The following CCDC33 variants were observed in gnomAD, a reference collection of about 807,000 sequenced individuals.
The protein encoded by CCDC33 is coiled-coil domain-containing protein 33.
Under a neutral mutation model 91.9 loss-of-function variants are expected in CCDC33, and 94 were observed. The ratio of observed to expected loss-of-function variants is 1.02; its 90% CI spans 0.87 to 1.21. The LOEUF is 1.21. Among genes scored for constraint, CCDC33 ranks in the 50% most tolerant of loss-of-function variants. The pLI, the probability that CCDC33 is intolerant of heterozygous loss-of-function variation, is 0.00. For missense variants in CCDC33, 940 were observed against 935.5 expected (o/e 1.00, Z -0.06); for synonymous variants, 396 against 374.5 (o/e 1.06, Z -0.66).
Position 74,335,027 on chromosome 15 carries a change from G to T in CCDC33, c.2078G>T (p.Arg693Leu), listed in dbSNP as rs200097810. ...CGAGAGAAGCAGGATCTGGCCACAC[G>T]GCTGCAGGAGCAAGAAAAAGGTTTC... is the stretch of plus-strand genomic sequence containing the variant. ...WGREKQDLAT[R>L]LQEQEKGFRH... The change falls in exon 18 of 19, where the codon CGG (arginine) becomes CTG (leucine). Residue 693 changes from arginine (R) to leucine (L), a missense_variant. Physicochemically the swap from Arg to Leu is moderately radical, Grantham distance 102 (BLOSUM62 -2). Transcript: ENST00000398814. 1 of 1,613,976 alleles carries T rather than the reference G, an allele frequency of 6.2e-7. No individual in the cohort carries two copies. The highest frequency in any genetic ancestry group is 1.3e-5 in the African/African-American group (1 of 74,868).
upstream of CCDC33, chr15:74,217,119 T>C: frequency 4.8e-6 from 2 of 412,688 alleles, no homozygotes; most frequent in Non-Finnish European, 7.8e-6. Flanking sequence ...CAGGCCCAGC[T>C]TCCTGCCTTG....
At chr15:74,223,768 AAG>A (rs2074692394) in intron 2 of CCDC33, among the ~76,000 whole-genome samples, 3 of 79,354 alleles carry the variant, frequency 3.8e-5, no homozygotes, top group Admixed American at 1.8e-4. Context: ...ACACACACGC[AAG>A]CATGCACACA....
Position 74,218,480 on chromosome 15 carries a change from T to TG in CCDC33, c.311-16dup, listed in dbSNP as rs1396324680. On this transcript the variant is annotated splice_polypyrimidine_tract_variant and intron_variant, in intron 1 of 2. Coordinates refer to the CCDC33 transcript ENST00000635913. The surrounding 1 kb of genome is among the most constrained non-coding windows in gnomAD (Gnocchi z 4.8). ...GAAACCTGAGACCATCTCTGAGCCC[T>TG]GTGTTCCCTCATCCAGGTTTCTGCA... 2 of 1,267,632 alleles carry TG rather than the reference T, an allele frequency of 1.6e-6. No individual in the cohort carries two copies. Among genetic ancestry groups the TG allele is most frequent in the Admixed American group, 4.7e-5 (2 of 42,522 alleles). 78.5% of individuals were successfully genotyped at this position (1,267,632 alleles called of 1,614,324 possible).
At chr15:74,333,231 G>T (rs1452552241) in intron 16 of CCDC33, 2 of 1,594,884 alleles carry the variant, frequency 1.3e-6, no homozygotes, top group Admixed American at 3.5e-5. Flanking sequence ...GTGGACCCCG[G>T]GGAGTTGGGA....
chr15:74,272,177 C>T (rs574253703), intron 6 of CCDC33, among the ~76,000 whole-genome samples: 3 of 152,242 alleles, frequency 2.0e-5, no homozygotes, highest in Non-Finnish European at 4.4e-5. Flanking sequence ...GCCTCACACC[C>T]ACCACCTCCC....
chr15:74,221,123 G>A (rs895856662), intron 2 of CCDC33: 3 of 819,672 alleles, frequency 3.7e-6, no homozygotes, highest in Non-Finnish European at 4.4e-6. Context: ...AGTCCTGACT[G>A]TGATCAGGCA....
chr15:74,302,608 G>T (rs909548135), intron 11 of CCDC33: 1 of 152,314 alleles, frequency 6.6e-6, no homozygotes, highest in African/African-American at 2.4e-5. Context: ...TGGCCCTGGG[G>T]TGACCACCCA....
intron 2 of CCDC33, among the ~76,000 whole-genome samples, chr15:74,254,611 G>A (rs2075803654): frequency 6.6e-6 from 1 of 151,998 alleles, no homozygotes; most frequent in Non-Finnish European, 1.5e-5. Flanking sequence ...TCGCCTCCAG[G>A]ACAACTCCCT....
intron 1 of CCDC33, chr15:74,207,905 G>A (rs1161019900): frequency 2.4e-5 from 35 of 1,485,112 alleles, no homozygotes; most frequent in East Asian, 1.5e-4. Flanking sequence ...GTCGGCTGCC[G>A]TGCTCACGGC....
At chr15:74,280,842 C>T (rs2059346929) in intron 9 of CCDC33, 41 bp downstream of exon 9, 2 of 1,413,736 alleles carry the variant, frequency 1.4e-6, no homozygotes, top group South Asian at 1.7e-5. Context: ...GCGTGCCCAC[C>T]TGGCCCCACC....
In CCDC33 at chr15:74,280,074, T is replaced by C. The variant is rs1301577810; in HGVS notation, c.871T>C (p.Tyr291His). Reference protein sequence around the residue: ...FSEDTALVLEYYSSTSMKGSQ... With the variant: ...FSEDTALVLEHYSSTSMKGSQ... ...AGAAGACACAGCCCTGGTGCTGGAG[T>C]ACTACTCCTCAACTTCAAGTACGTG... is the stretch of plus-strand genomic sequence containing the variant. The change falls in exon 8 of 19, where the codon TAC becomes CAC. Residue 291 changes from tyrosine (Y) to histidine (H), a missense_variant. Tyr to His is a moderately conservative substitution (Grantham distance 83, BLOSUM62 2). Coordinates refer to ENST00000398814, the MANE Select transcript of CCDC33 (RefSeq NM_025055.5). 1 of 1,613,708 alleles carries C rather than the reference T, an allele frequency of 6.2e-7. No homozygotes were observed. Among genetic ancestry groups the C allele is most frequent in the South Asian group, 1.1e-5 (1 of 91,076 alleles).
Position 74,218,711 on chromosome 15 carries a change from C to G in CCDC33, c.525C>G (p.Asp175Glu). The change falls in exon 2 of 3, where the codon GAC (aspartate) becomes GAG (glutamate). Residue 175 changes from aspartate to glutamate, a missense_variant. Physicochemically the swap from Asp to Glu is conservative, Grantham distance 45 (BLOSUM62 2). Transcript: ENST00000635913. The surrounding 1 kb of genome is among the most constrained non-coding windows in gnomAD (Gnocchi z 4.8). ...TGGCTCTGCTCCGGGCTAGCACGGA[C>G]CCCACAGCCCGACACTGTGGGAGCC... is the stretch of plus-strand genomic sequence containing the variant. The G allele has an allele frequency of 7.8e-7, 1 of 1,289,852 alleles. No individual in the cohort carries two copies. The highest frequency in any genetic ancestry group is 1.0e-6 in the Non-Finnish European group (1 of 988,872). 79.9% of individuals were successfully genotyped at this position (1,289,852 alleles called of 1,614,324 possible).
At chr15:74,304,895 G>C (rs867421317) in intron 11 of CCDC33, among the ~76,000 whole-genome samples, 1 of 151,458 alleles carries the variant, frequency 6.6e-6, no homozygotes, top group Non-Finnish European at 1.5e-5. Context: ...AGAACACTCT[G>C]TCGGTACCCA....
chr15:74,233,865 T>C (rs2075061332), upstream of CCDC33, among the ~76,000 whole-genome samples: 1 of 152,202 alleles, frequency 6.6e-6, no homozygotes, highest in Non-Finnish European at 1.5e-5. Flanking sequence ...AAAATCACAC[T>C]GCCTACATTT....
chr15:74,204,640 C>G (rs922993254), intron 1 of CCDC33, among the ~76,000 whole-genome samples: 4 of 152,204 alleles, frequency 2.6e-5, no homozygotes, highest in African/African-American at 9.7e-5. Context: ...CTATCAGAAA[C>G]CATGCCCTTT....
intron 10 of CCDC33, among the ~76,000 whole-genome samples, chr15:74,292,078 CAG>C (rs1253687506): frequency 1.3e-5 from 2 of 152,254 alleles, no homozygotes; most frequent in African/African-American, 4.8e-5. Flanking sequence ...GCCATGGGGA[CAG>C]GGGCCACTTG....
intron 7 of CCDC33, among the ~76,000 whole-genome samples, chr15:74,279,213 T>C (rs1328327135): frequency 1.3e-5 from 2 of 152,180 alleles, no homozygotes; most frequent in Non-Finnish European, 2.9e-5. Flanking sequence ...CAATGCAGTG[T>C]TATTACAGGG....
At chr15:74,251,301 C>A (rs891241137) in intron 2 of CCDC33, among the ~76,000 whole-genome samples, 2 of 152,232 alleles carry the variant, frequency 1.3e-5, no homozygotes, top group African/African-American at 4.8e-5. Context: ...GGCTCAGTGC[C>A]CTGGGGCTTG....
At chr15:74,222,761 C>T (rs1325300478) in intron 2 of CCDC33, among the ~76,000 whole-genome samples, 2 of 151,050 alleles carry the variant, frequency 1.3e-5, no homozygotes, top group African/African-American at 2.4e-5. Flanking sequence ...TCCTAGCGTC[C>T]CCTCGGCCAC....
Sources: gnomAD v4.1 joint callset for allele counts (sites outside exome capture counted in the v4.1 genomes callset) on GRCh38, gnomAD v4.1.1 for gene constraint, Gnocchi (gnomAD v3.1) non-coding constraint, MANE v1.5 for transcripts, NCBI Gene and HGNC (gene_info 2026-07-23, HGNC 2026-07-21) for gene names.